RARB: variants seen among roughly 807,000 people sequenced by gnomAD.
The protein encoded by RARB is retinoic acid receptor beta, also known as HBV-activated protein.
A neutral mutation model predicts 51.9 loss-of-function variants in RARB; 17 were observed. The ratio of observed to expected loss-of-function variants is 0.33; its 90% confidence interval spans 0.22 to 0.49. The LOEUF is 0.49. RARB is among the 20% of genes least tolerant of loss of function. The pLI is 0.99. For missense variants in RARB, 369 were observed against 550.8 expected, an observed-to-expected ratio of 0.67 and a Z score of 3.30; for synonymous variants, 215 against 195.4, an observed-to-expected ratio of 1.10 and a Z score of -0.84.
intron 2 of RARB, among the ~76,000 whole-genome samples, chr3:25,047,957 G>C (rs561759941): frequency 6.6e-6 from 1 of 152,282 alleles, no homozygotes; most frequent in East Asian, 1.9e-4. Flanking sequence ...AGTTCTCATG[G>C]TAGTGAATAA....
Position 25,594,563 on chromosome 3 carries a change from A to G in RARB, c.1035A>G (p.Gln345=), listed in dbSNP as rs2125326861. 1 of 1,613,704 alleles carries G rather than the reference A, an allele frequency of 6.2e-7. No individual in the cohort carries two copies. Among genetic ancestry groups the G allele is most frequent in the Non-Finnish European group, 8.5e-7 (1 of 1,179,838 alleles). ...LEEPTKVDKL[Q]EPLLEALKIY... is the part of the protein sequence containing the mutation. ...AACCGACAAAAGTAGATAAGCTACA[A>G]GAACCATTGCTGGAAGCACTAAAAA... The change falls in exon 7 of 8, where the codon CAA becomes CAG. Residue 345 remains glutamine (Q), a synonymous_variant. Coordinates refer to ENST00000330688, the MANE Select transcript of RARB (RefSeq NM_000965.5).
intron 5 of RARB, among the ~76,000 whole-genome samples, chr3:25,337,174 T>C (rs948399354): frequency 4.6e-5 from 7 of 152,136 alleles, no homozygotes; most frequent in African/African-American, 1.2e-4. Context: ...TCTATGGATA[T>C]GTCAACCACT....
intron 5 of RARB, among the ~76,000 whole-genome samples, chr3:25,358,755 G>A (rs1036446180): frequency 1.3e-5 from 2 of 152,130 alleles, no homozygotes; most frequent in South Asian, 2.1e-4. Context: ...TTTCATCATT[G>A]GTTCTGTTTA....
chr3:25,572,968 A>G (rs1327285336), intron 4 of RARB, among the ~76,000 whole-genome samples: 3 of 152,098 alleles, frequency 2.0e-5, no homozygotes, highest in African/African-American at 7.2e-5. Context: ...CCCTGGTGTG[A>G]CCGGGATTCC....
At chr3:25,047,299 G>T (rs1434586201) in intron 2 of RARB, among the ~76,000 whole-genome samples, 4 of 152,006 alleles carry the variant, frequency 2.6e-5, no homozygotes, top group Non-Finnish European at 5.9e-5. Context: ...AATTACAAAA[G>T]AAAGAGAAAA....
chr3:25,367,659 A>AAAT (rs1229528663), intron 5 of RARB, among the ~76,000 whole-genome samples: 2 of 151,580 alleles, frequency 1.3e-5, no homozygotes, highest in Non-Finnish European at 2.9e-5. Context: ...CTATAAAAAA[A>AAAT]AAAAAAAAAT....
chr3:25,110,342 T>G (rs1309849733), intron 3 of RARB, among the ~76,000 whole-genome samples: 1 of 152,232 alleles, frequency 6.6e-6, no homozygotes, highest in Non-Finnish European at 1.5e-5. Flanking sequence ...GTTATCTCAT[T>G]TAAGCCTTGA....
chr3:25,445,990 C>T (rs959685625), intron 1 of RARB, among the ~76,000 whole-genome samples: 2 of 152,192 alleles, frequency 1.3e-5, no homozygotes, highest in African/African-American at 4.8e-5. Context: ...CATATTCTCC[C>T]TGGCTCTACG....
intron 3 of RARB, among the ~76,000 whole-genome samples, chr3:25,564,811 C>T (rs930886366): frequency 2.0e-5 from 3 of 152,074 alleles, no homozygotes; most frequent in Non-Finnish European, 2.9e-5. Flanking sequence ...AGAGGTGCAC[C>T]GTACCTGAAA....
At chr3:24,958,762 T>C (rs1341909587) in intron 2 of RARB, among the ~76,000 whole-genome samples, 1 of 152,236 alleles carries the variant, frequency 6.6e-6, no homozygotes, top group Non-Finnish European at 1.5e-5. Flanking sequence ...GATAAGTCTT[T>C]GGCCATGAAA....
intron 2 of RARB, among the ~76,000 whole-genome samples, chr3:24,948,913 C>T (rs1406805628): frequency 6.6e-6 from 1 of 152,154 alleles, no homozygotes; most frequent in African/African-American, 2.4e-5. Flanking sequence ...GCTTCCTGTA[C>T]AGCCTGTAGA....
rs537419371 is a variant in RARB at position 25,109,822 on chromosome 3, ACT to A, written c.-327-22335_-327-22334del. 5.9e-5 allele frequency among the ~76,000 whole-genome samples: 9 copies of A among 152,150 alleles called. No homozygotes were observed. In the East Asian group the frequency reaches 1.7e-3, roughly 29 times the overall value. On this transcript the variant is annotated intron_variant, in intron 3 of 11. Transcript: ENST00000383772. ...GATTCCAAGTTAGAATTTTTCCAAC[ACT>A]CTCAGAAACAGCCTCAGAGCTACCA...
chr3:25,445,108 C>A (rs183130933), intron 1 of RARB, among the ~76,000 whole-genome samples: 8 of 152,030 alleles, frequency 5.3e-5, no homozygotes, highest in African/African-American at 1.9e-4. Flanking sequence ...CATGACCACA[C>A]CTGGCTAATT....
intron 5 of RARB, among the ~76,000 whole-genome samples, chr3:25,361,482 C>T (rs1295030008): frequency 3.9e-5 from 6 of 152,202 alleles, no homozygotes; most frequent in African/African-American, 1.4e-4. Flanking sequence ...CTACTTCTGT[C>T]AATTTATCAA....
chr3:25,550,904 G>A (rs1255185810), intron 3 of RARB, among the ~76,000 whole-genome samples: 1 of 152,124 alleles, frequency 6.6e-6, no homozygotes, highest in East Asian at 1.9e-4. Context: ...CCATGTCCCT[G>A]CAAAGGACAT....
At chr3:25,266,439 T>C (rs1388421956) in intron 5 of RARB, among the ~76,000 whole-genome samples, 5 of 152,168 alleles carry the variant, frequency 3.3e-5, no homozygotes, top group Admixed American at 3.3e-4. Flanking sequence ...TTGGAGTTTT[T>C]TATATATTAA....
At chr3:25,259,952 G>A in intron 5 of RARB, 1 of 985,272 alleles carries the variant, frequency 1.0e-6, no homozygotes, top group Non-Finnish European at 1.2e-6. Flanking sequence ...AGGGGAGGGG[G>A]GCAGTCAGTG....
At chr3:25,124,192 G>A (rs1484683550) in intron 3 of RARB, among the ~76,000 whole-genome samples, 2 of 152,162 alleles carry the variant, frequency 1.3e-5, no homozygotes, top group Non-Finnish European at 2.9e-5. Flanking sequence ...GGCCAACATA[G>A]TGAAACTTTG....
chr3:25,291,765 A>G (rs552424540), intron 5 of RARB, among the ~76,000 whole-genome samples: 2 of 152,130 alleles, frequency 1.3e-5, no homozygotes, highest in Non-Finnish European at 2.9e-5. Context: ...ATTCACATCT[A>G]GTAGCAGCTT....
Sources: allele counts gnomAD v4.1 joint callset (sites outside exome capture counted in the v4.1 genomes callset), GRCh38; gene constraint gnomAD v4.1.1; transcripts MANE v1.5; gene names NCBI Gene and HGNC (gene_info 2026-07-23, HGNC 2026-07-21).